Variants in TMEM204 observed in about 807,000 individuals in gnomAD.
TMEM204 encodes the protein transmembrane protein 204.
Under a neutral mutation model 19.4 loss-of-function variants are expected in TMEM204, and 15 were observed. The ratio of observed to expected loss-of-function variants is 0.77; its 90% CI spans 0.52 to 1.19. The LOEUF is 1.19. Ranked by LOEUF, TMEM204 falls within the 50% of genes most tolerant of loss-of-function variation. TMEM204 has a pLI of 0.00. For missense variants in TMEM204, 287 were observed against 321.2 expected (o/e 0.89, Z 0.81); for synonymous variants, 161 against 146.0 (o/e 1.10, Z -0.74).
At chr16:1,544,968 T>C (rs2032043981) in intron 2 of TMEM204, among the ~76,000 whole-genome samples, 1 of 152,242 alleles carries the variant, frequency 6.6e-6, no homozygotes, top group Non-Finnish European at 1.5e-5. Flanking sequence ...CATTTCTTAA[T>C]AAATCTCCTT....
At chr16:1,539,931 G>A (rs1356905054) in intron 1 of TMEM204, among the ~76,000 whole-genome samples, 7 of 152,200 alleles carry the variant, frequency 4.6e-5, no homozygotes, top group Non-Finnish European at 8.8e-5. Context: ...GAGGTCTCAG[G>A]GCTGGGGGCG....
chr16:1,555,103 A>C lies in TMEM204; in HGVS notation c.*77A>C. Reference sequence around the variant, plus strand: ...TAGAAACCAAGGGACTCCACCACCAAGTCACTTCCCCTGCTCGTGCAGAGG... The same window carrying C: ...TAGAAACCAAGGGACTCCACCACCACGTCACTTCCCCTGCTCGTGCAGAGG... On this transcript the variant is annotated 3_prime_UTR_variant, in exon 3 of 3. Transcript: ENST00000566264. The C allele has an allele frequency of 6.6e-7, 1 of 1,524,348 alleles. No homozygotes were observed. Among genetic ancestry groups the C allele is most frequent in the Non-Finnish European group, 8.8e-7 (1 of 1,138,598 alleles). The allele number at this position is 1,524,348 out of a possible 1,614,324, so 94.4% of individuals were successfully genotyped here.
At position 1,553,972 on chromosome 16, in the gene TMEM204, C is replaced by T; in HGVS notation, c.437-810C>T. ...GTGAAACTGTAGCATCAGCGACTAA[C>T]TAGACGGGAACAAGCTGCGCCAACC... On this transcript the variant is annotated intron_variant, in intron 2 of 2. Coordinates refer to ENST00000566264, the MANE Select transcript of TMEM204 (RefSeq NM_024600.6). This position sits in a 1 kb window ranked among gnomAD's most constrained non-coding sequence, Gnocchi z 4.4. The T allele has an allele frequency of 1.6e-6, 2 of 1,287,228 alleles. No homozygotes were observed. The highest frequency in any genetic ancestry group is 5.6e-5 in the East Asian group (1 of 18,018). The allele number at this position is 1,287,228 out of a possible 1,614,324, so 79.7% of individuals were successfully genotyped here.
chr16:1,555,041 C>T lies in TMEM204; in HGVS notation c.*15C>T, dbSNP rs567840263. On this transcript the variant is annotated 3_prime_UTR_variant, in exon 3 of 3. Transcript: ENST00000566264. Reference sequence around the variant, plus strand: ...CACCATGCTGAGTCGCCCTTCTCAGCGCTCCATCAACGCACACCTGCTATC... The same window carrying T: ...CACCATGCTGAGTCGCCCTTCTCAGTGCTCCATCAACGCACACCTGCTATC... The T allele has an allele frequency of 8.1e-5, 130 of 1,599,596 alleles. No homozygotes were observed. The South Asian group carries it at 9.0e-4, about 11-fold the overall frequency.
At position 1,553,519 on chromosome 16, in the gene TMEM204, G is replaced by T. The variant is rs2032849010; in HGVS notation, c.437-1263G>T. 1.5e-5 allele frequency: 15 copies of T among 994,208 alleles called. No homozygotes were observed. The South Asian group carries it at 5.8e-4, about 39-fold the overall frequency. The allele number at this position is 994,208 out of a possible 1,614,324, so 61.6% of individuals were successfully genotyped here. A position where few individuals can be genotyped will look rare whatever the true frequency, so the allele number is the denominator to read the frequency against. ...TCGGCGTGGCCGGAGCCTGGGGAGGGACATGGACAAGTCCTCTATGGACAA... is the reference window on the plus strand; with the variant it reads ...TCGGCGTGGCCGGAGCCTGGGGAGGTACATGGACAAGTCCTCTATGGACAA... On this transcript the variant is annotated intron_variant, in intron 2 of 2. Coordinates refer to ENST00000566264, the MANE Select transcript of TMEM204 (RefSeq NM_024600.6). This position sits in a 1 kb window ranked among gnomAD's most constrained non-coding sequence, Gnocchi z 4.4.
intron 1 of TMEM204, among the ~76,000 whole-genome samples, chr16:1,540,489 C>G (rs1485467767): frequency 2.0e-5 from 3 of 152,224 alleles, no homozygotes; most frequent in African/African-American, 7.2e-5. Flanking sequence ...GAGGAGGCAG[C>G]TTGAGGATCT....
At chr16:1,544,773 C>T (rs868185203) in intron 2 of TMEM204, among the ~76,000 whole-genome samples, 80 of 151,568 alleles carry the variant, frequency 5.3e-4, no homozygotes, top group African/African-American at 1.9e-3. Flanking sequence ...CTCAGCCTCC[C>T]GAGTAGCTGG....
chr16:1,552,585 C>T (rs964427265), intron 2 of TMEM204, among the ~76,000 whole-genome samples: 1 of 151,970 alleles, frequency 6.6e-6, no homozygotes, highest in African/African-American at 2.4e-5. Context: ...GAGCAGAGGG[C>T]ACATTCCGCA....
chr16:1,549,581 G>A (rs1402505697), intron 2 of TMEM204, among the ~76,000 whole-genome samples: 3 of 152,180 alleles, frequency 2.0e-5, no homozygotes, highest in Non-Finnish European at 4.4e-5. Context: ...ACAGGTGCCC[G>A]CCACCACGCC....
Position 1,553,280 on chromosome 16 carries a change from C to G in TMEM204, c.437-1502C>G. Reference sequence around the variant, plus strand: ...TGTATCTCTCTTGGTCTCTGTCTCTCTGTGTCTCTGCCTGTCTCTCTGTGT... The same window carrying G: ...TGTATCTCTCTTGGTCTCTGTCTCTGTGTGTCTCTGCCTGTCTCTCTGTGT... On this transcript the variant is annotated intron_variant, in intron 2 of 2. Transcript: ENST00000566264. This position sits in a 1 kb window ranked among gnomAD's most constrained non-coding sequence, Gnocchi z 4.4. 2 of 981,760 alleles carry G rather than the reference C, an allele frequency of 2.0e-6. No individual in the cohort carries two copies. Among genetic ancestry groups the G allele is most frequent in the South Asian group, 9.5e-5 (2 of 21,154 alleles). The allele number at this position is 981,760 out of a possible 1,614,324, so 60.8% of individuals were successfully genotyped here.
intron 1 of TMEM204, among the ~76,000 whole-genome samples, chr16:1,535,698 T>C (rs957987851): frequency 2.6e-5 from 4 of 152,220 alleles, no homozygotes; most frequent in South Asian, 4.1e-4. Flanking sequence ...GCAGAAGGCA[T>C]GTGGCTTGGA....
At chr16:1,548,935 T>C (rs897896058) in intron 2 of TMEM204, among the ~76,000 whole-genome samples, 1 of 152,262 alleles carries the variant, frequency 6.6e-6, no homozygotes, top group Admixed American at 6.5e-5. Context: ...GGTTCCCTCA[T>C]GCCAGGCATC....
In TMEM204 at chr16:1,534,223, C is replaced by A; in HGVS notation, c.-53C>A. 3 of 1,595,796 alleles carry A rather than the reference C, an allele frequency of 1.9e-6. No individual in the cohort carries two copies. Among genetic ancestry groups the A allele is most frequent in the Non-Finnish European group, 2.5e-6 (3 of 1,177,162 alleles). ...GCGTCGGCTCTCCCTGGACGTGCGG[C>A]CGCGGACTGGGACTTGGCTTTCTCC... is the stretch of plus-strand genomic sequence containing the variant. On this transcript the variant is annotated 5_prime_UTR_variant, in exon 1 of 3. Coordinates refer to ENST00000566264, the MANE Select transcript of TMEM204 (RefSeq NM_024600.6).
chr16:1,539,065 C>A (rs1371381802), intron 1 of TMEM204, among the ~76,000 whole-genome samples: 1 of 151,052 alleles, frequency 6.6e-6, no homozygotes, highest in Non-Finnish European at 1.5e-5. Flanking sequence ...ACGCCTCAGG[C>A]CTCAGCAAGC....
chr16:1,553,238 GTCTGTC>G lies in TMEM204; in HGVS notation c.437-1534_437-1529del, dbSNP rs1180231634. On this transcript the variant is annotated intron_variant, in intron 2 of 2. Transcript: ENST00000566264. This position sits in a 1 kb window ranked among gnomAD's most constrained non-coding sequence, Gnocchi z 4.4. ...TCTCTCTGTCTCCATCTGTCTCTGT[GTCTGTC>G]TCTGTCTCTCTGTATCTCTCTTGGT... 3.3e-5 allele frequency: 32 copies of G among 974,420 alleles called. No individual in the cohort carries two copies. In the East Asian group the frequency reaches 3.5e-3, roughly 108 times the overall value. The allele number at this position is 974,420 out of a possible 1,614,324, so 60.4% of individuals were successfully genotyped here. A position where few individuals can be genotyped will look rare whatever the true frequency, so the allele number is the denominator to read the frequency against.
intron 2 of TMEM204, chr16:1,552,780 T>C (rs2032765925): frequency 6.1e-6 from 1 of 163,134 alleles, no homozygotes; most frequent in Admixed American, 6.6e-5. Context: ...CCTGAGTAAC[T>C]GGGATTACAG....
Position 1,537,725 on chromosome 16 carries a change from C to T in TMEM204, c.280+3170C>T, listed in dbSNP as rs74006327. Reference sequence around the variant, plus strand: ...TTACGTCATCTCTCTGTATTTCGTGCGTTCTGTCAGGCATCTGAAACAAGG... The same window carrying T: ...TTACGTCATCTCTCTGTATTTCGTGTGTTCTGTCAGGCATCTGAAACAAGG... On this transcript the variant is annotated intron_variant, in intron 1 of 2. Coordinates refer to ENST00000566264, the MANE Select transcript of TMEM204 (RefSeq NM_024600.6). 8.0e-3 allele frequency among the ~76,000 whole-genome samples: 1,219 copies of T among 152,324 alleles called. 19 individuals are homozygous for T. The highest frequency in any genetic ancestry group is 0.028 in the African/African-American group (1,145 of 41,578).
In TMEM204 at chr16:1,553,485, C is replaced by T. The variant is rs766840332; in HGVS notation, c.437-1297C>T. 4 of 985,482 alleles carry T rather than the reference C, an allele frequency of 4.1e-6. No homozygotes were observed. The highest frequency in any genetic ancestry group is 4.8e-6 in the Non-Finnish European group (4 of 829,944). 61.0% of individuals were successfully genotyped at this position (985,482 alleles called of 1,614,324 possible). A position where few individuals can be genotyped will look rare whatever the true frequency, so the allele number is the denominator to read the frequency against. ...ACATGCAGGCCAGGCGGAGGGACAG[C>T]AGTGGGGCTCGGCGTGGCCGGAGCC... On this transcript the variant is annotated intron_variant, in intron 2 of 2. Coordinates refer to ENST00000566264, the MANE Select transcript of TMEM204 (RefSeq NM_024600.6). This position sits in a 1 kb window ranked among gnomAD's most constrained non-coding sequence, Gnocchi z 4.4.
intron 1 of TMEM204, among the ~76,000 whole-genome samples, chr16:1,536,463 C>G (rs947960467): frequency 3.3e-5 from 5 of 152,184 alleles, no homozygotes; most frequent in African/African-American, 1.2e-4. Flanking sequence ...CAACATCCTC[C>G]TGCAACTTGT....
Sources: gnomAD v4.1 joint callset for allele counts (sites outside exome capture counted in the v4.1 genomes callset) on GRCh38, gnomAD v4.1.1 for gene constraint, Gnocchi (gnomAD v3.1) non-coding constraint, MANE v1.5 for transcripts, NCBI Gene and HGNC (gene_info 2026-07-23, HGNC 2026-07-21) for gene names.